Variants in MME observed in about 807,000 individuals in gnomAD.
MME encodes neprilysin.
MME carries 98 observed loss-of-function variants against 113.2 expected under a neutral mutation model. The observed-to-expected ratio is 0.87, with a 90% CI of 0.74 to 1.02. The LOEUF is 1.02. Among genes scored for constraint, MME ranks in the 50% least tolerant of loss-of-function variants. MME has a pLI of 0.00. For synonymous variants in MME, 292 were observed against 300.6 expected (o/e 0.97, Z 0.30); for missense variants, 836 against 896.0 (o/e 0.93, Z 0.86).
intron 3 of MME, 113 bp from the exon 4 acceptor site, chr3:155,114,881 G>A (rs1056950200): frequency 2.1e-5 from 22 of 1,046,482 alleles, no homozygotes; most frequent in Middle Eastern, 2.1e-4. Context: ...AAAAGAAAAC[G>A]GAGCATCCGA....
Position 155,084,200 on chromosome 3 carries a change from T to A in MME, c.33T>A (p.Thr11=). 1 of 1,614,164 alleles carries A rather than the reference T, an allele frequency of 6.2e-7. No homozygotes were observed. The highest frequency in any genetic ancestry group is 2.2e-5 in the East Asian group (1 of 44,886). The change falls in exon 2 of 23, where the codon ACT becomes ACA. Residue 11 remains threonine, a synonymous_variant. Transcript: ENST00000360490. MGKSESQMDI[T]DINTPKPKKK... The stretch of plus-strand genomic sequence containing the variant: ...AGTCAGAAAGTCAGATGGATATAAC[T>A]GATATCAACACTCCAAAGCCAAAGA...
At chr3:155,173,771 A>T (rs901598447) in intron 22 of MME, among the ~76,000 whole-genome samples, 1 of 152,070 alleles carries the variant, frequency 6.6e-6, no homozygotes, top group Non-Finnish European at 1.5e-5. Flanking sequence ...ATTGTGGTTT[A>T]TTCAAAAAAC....
At chr3:155,062,029 T>C (rs1714167550) in intron 1 of MME, among the ~76,000 whole-genome samples, 1 of 152,194 alleles carries the variant, frequency 6.6e-6, no homozygotes, top group Non-Finnish European at 1.5e-5. Flanking sequence ...ATAACAGCAG[T>C]TTTATTTTCT....
chr3:155,054,732 G>A (rs1272730246), intron 1 of MME, among the ~76,000 whole-genome samples: 8 of 152,132 alleles, frequency 5.3e-5, no homozygotes. Flanking sequence ...CTGGAGAATT[G>A]CTTGAACCCA....
chr3:155,149,982 T>G (rs1482824452), intron 16 of MME, among the ~76,000 whole-genome samples: 4 of 152,206 alleles, frequency 2.6e-5, no homozygotes, highest in Non-Finnish European at 5.9e-5. Flanking sequence ...ATAATCAAGT[T>G]ACCATATCCT....
intron 12 of MME, 82 bp from the exon 13 acceptor site, chr3:155,143,361 A>C: frequency 1.3e-6 from 2 of 1,503,510 alleles, no homozygotes; most frequent in Non-Finnish European, 1.8e-6. Flanking sequence ...AACTTAGATG[A>C]GACATTTGTG....
intron 3 of MME, among the ~76,000 whole-genome samples, chr3:155,088,695 AAAAAG>A (rs1380498412): frequency 6.6e-6 from 1 of 151,818 alleles, no homozygotes; most frequent in Non-Finnish European, 1.5e-5. Context: ...AAAAAAAAAA[AAAAAG>A]AAAAGAAAGA....
chr3:155,128,953 C>A (rs1719919727), intron 8 of MME, among the ~76,000 whole-genome samples: 1 of 152,170 alleles, frequency 6.6e-6, no homozygotes, highest in African/African-American at 2.4e-5. Flanking sequence ...TAGCATTTTA[C>A]AAACTCTGTG....
rs529154801 is a variant in MME at position 155,056,920 on chromosome 3, C to G, written c.-10-27238C>G. On this transcript the variant is annotated intron_variant, in intron 1 of 22. Transcript: ENST00000492661. ...GTAGAAAGCTGAAACTGGATCCCTT[C>G]CTTACACCTTATACAAAAATTAATT... 1.9e-4 allele frequency among the ~76,000 whole-genome samples: 29 copies of G among 152,276 alleles called. No individual in the cohort carries two copies. The South Asian group carries it at 5.6e-3, about 29-fold the overall frequency.
At chr3:155,081,364 T>G (rs1384123049) in intron 1 of MME, 1 of 152,256 alleles carries the variant, frequency 6.6e-6, no homozygotes, top group Non-Finnish European at 1.5e-5. Context: ...TAAGAATTGC[T>G]GCTTTACATT....
chr3:155,165,556 G>C (rs906092472), intron 17 of MME, among the ~76,000 whole-genome samples: 1 of 152,144 alleles, frequency 6.6e-6, no homozygotes, highest in African/African-American at 2.4e-5. Flanking sequence ...TTTTTAGCAG[G>C]AGAATGATGA....
chr3:155,139,494 T>A (rs1720888317), intron 9 of MME, among the ~76,000 whole-genome samples: 1 of 152,216 alleles, frequency 6.6e-6, no homozygotes. Flanking sequence ...AATTCCAATT[T>A]TAAACCTTTA....
At chr3:155,172,233 G>T in intron 21 of MME, 21 bp downstream of exon 21, 1 of 1,492,888 alleles carries the variant, frequency 6.7e-7, no homozygotes, top group African/African-American at 1.4e-5. Context: ...TTTCTTGATT[G>T]ATAGATATGA....
chr3:155,073,743 A>G (rs1714656049), intron 1 of MME, among the ~76,000 whole-genome samples: 1 of 151,626 alleles, frequency 6.6e-6, no homozygotes, highest in South Asian at 2.1e-4. Context: ...CTTTTTTTTT[A>G]CAATGCTTTT....
At chr3:155,122,759 T>G (rs1719267233) in intron 8 of MME, among the ~76,000 whole-genome samples, 1 of 37,196 alleles carries the variant, frequency 2.7e-5, no homozygotes, top group Admixed American at 3.3e-4. Context: ...GAGTTCTAGT[T>G]TGATTGCACT....
In MME at chr3:155,134,982, T is replaced by G. The variant is rs569457593; in HGVS notation, c.721-3120T>G. ...GTCTTTTCCTACTTTTTAATGGGGCTATTTGTTTTTTGCTTGTTGAATTGT... is the reference window on the plus strand; with the variant it reads ...GTCTTTTCCTACTTTTTAATGGGGCGATTTGTTTTTTGCTTGTTGAATTGT... On this transcript the variant is annotated intron_variant, in intron 8 of 22. Transcript: ENST00000360490. Among the ~76,000 whole-genome samples the G allele has an allele frequency of 6.6e-5, 10 of 152,322 alleles. No homozygotes were observed. The East Asian group carries it at 1.9e-3, about 29-fold the overall frequency.
At chr3:155,078,784 C>G (rs1714874156), upstream of MME, among the ~76,000 whole-genome samples, 1 of 151,794 alleles carries the variant, frequency 6.6e-6, no homozygotes, top group African/African-American at 2.4e-5. Flanking sequence ...TTCCTCTGAG[C>G]TCCTTGGCAA....
At chr3:155,113,784 G>A (rs188828271) in intron 3 of MME, among the ~76,000 whole-genome samples, 1 of 152,286 alleles carries the variant, frequency 6.6e-6, no homozygotes, top group African/African-American at 2.4e-5. Flanking sequence ...AGGGGAAATA[G>A]AAATACAGTT....
intron 14 of MME, 76 bp from the exon 15 acceptor site, chr3:155,147,068 T>TAGTCATGG (rs2108322591): frequency 1.1e-6 from 1 of 908,894 alleles, no homozygotes; most frequent in Admixed American, 1.7e-5. Flanking sequence ...ATTCAATTGC[T>TAGTCATGG]AGTCATGGGC....
Sources: gnomAD v4.1 joint callset for allele counts (sites outside exome capture counted in the v4.1 genomes callset) on GRCh38, gnomAD v4.1.1 for gene constraint, MANE v1.5 for transcripts, NCBI Gene and HGNC (gene_info 2026-07-23, HGNC 2026-07-21) for gene names.